Variants in FBXO10 observed in about 807,000 individuals in gnomAD.
FBXO10 encodes the protein F-box protein 10.
FBXO10 carries 39 observed loss-of-function variants against 80.7 expected under a neutral mutation model. That is an observed-to-expected ratio of 0.48 (90% confidence interval 0.37 to 0.63). The LOEUF (loss-of-function observed/expected upper bound fraction) is 0.63. FBXO10 is among the 30% of genes least tolerant of loss of function. The pLI, the probability that FBXO10 is intolerant of heterozygous loss-of-function variation, is 0.00. For missense variants in FBXO10, 1,025 were observed against 1,269.0 expected (o/e 0.81, Z 2.92); for synonymous variants, 449 against 489.6 (o/e 0.92, Z 1.09).
chr9:37,539,167 T>A (rs1228312485), intron 2 of FBXO10, among the ~76,000 whole-genome samples: 4 of 152,242 alleles, frequency 2.6e-5, no homozygotes, highest in African/African-American at 9.6e-5. Flanking sequence ...AAAATTGACC[T>A]TTGATAGATT....
chr9:37,549,887 T>C (rs1158461837), intron 1 of FBXO10, among the ~76,000 whole-genome samples: 1 of 152,186 alleles, frequency 6.6e-6, no homozygotes, highest in East Asian at 1.9e-4. Flanking sequence ...TTTTTTGATG[T>C]TAGTAGCCAG....
At chr9:37,553,354 A>C (rs1408544493) in intron 1 of FBXO10, among the ~76,000 whole-genome samples, 1 of 151,926 alleles carries the variant, frequency 6.6e-6, no homozygotes, top group Non-Finnish European at 1.5e-5. Flanking sequence ...TATGTTTTTA[A>C]ATTGTTATGA....
chr9:37,567,552 T>C (rs1369410404), intron 1 of FBXO10, among the ~76,000 whole-genome samples: 1 of 152,178 alleles, frequency 6.6e-6, no homozygotes, highest in Non-Finnish European at 1.5e-5. Context: ...TGCATAACAA[T>C]TGCAGGATCA....
At chr9:37,560,250 C>A (rs1208333548) in intron 1 of FBXO10, among the ~76,000 whole-genome samples, 2 of 152,184 alleles carry the variant, frequency 1.3e-5, no homozygotes, top group African/African-American at 2.4e-5. Flanking sequence ...ATTGTAATTT[C>A]TTTCCCTTAG....
rs1391932497 is a variant in FBXO10, at chr9:37,537,146, G to A, written c.1383C>T (p.Asn461=). ...RAKMEGNIFR[N]LTYAVRCIHN... ...GTATACACCGCACTGCGTAAGTCAG[G>A]TTCCGGAAGATGTTTCCTTCCATCT... Residue 461 remains asparagine (N), a synonymous_variant, in exon 3 of 11, where the codon AAC becomes AAT. Coordinates refer to ENST00000432825, the MANE Select transcript of FBXO10 (RefSeq NM_012166.3). The A allele has an allele frequency of 1.2e-6, 2 of 1,613,784 alleles. No individual in the cohort carries two copies. Among genetic ancestry groups the A allele is most frequent in the Non-Finnish European group, 1.7e-6 (2 of 1,179,826 alleles).
intron 1 of FBXO10, among the ~76,000 whole-genome samples, chr9:37,550,484 CTT>C (rs1244919357): frequency 1.7e-4 from 21 of 120,446 alleles, no homozygotes; most frequent in Non-Finnish European, 1.6e-4. Context: ...TGCACCTGGC[CTT>C]TTTTTTTTTT....
intron 3 of FBXO10, among the ~76,000 whole-genome samples, chr9:37,535,523 TTTTTA>T (rs1821739685): frequency 6.6e-6 from 1 of 152,034 alleles, no homozygotes; most frequent in Non-Finnish European, 1.5e-5. Context: ...GGCTATTTTT[TTTTTA>T]TTTTATTTTA....
chr9:37,527,039 T>C (rs1208190048), intron 5 of FBXO10, among the ~76,000 whole-genome samples: 11 of 151,862 alleles, frequency 7.2e-5, no homozygotes, highest in Admixed American at 7.2e-4. Context: ...TTAGTAGAGA[T>C]GGGGTTTCAC....
chr9:37,525,385 A>T (rs963931587), intron 5 of FBXO10, among the ~76,000 whole-genome samples: 1 of 152,134 alleles, frequency 6.6e-6, no homozygotes, highest in African/African-American at 2.4e-5. Context: ...ACAGGGGCAT[A>T]AAAGCATTTC....
intron 5 of FBXO10, among the ~76,000 whole-genome samples, chr9:37,526,309 C>T (rs1286752281): frequency 6.6e-6 from 1 of 152,186 alleles, no homozygotes; most frequent in Admixed American, 6.5e-5. Context: ...TATGGTTTGT[C>T]TCATCCAGGC....
intron 6 of FBXO10, 77 bp downstream of exon 6, chr9:37,525,025 G>A (rs1170094010): frequency 7.9e-7 from 1 of 1,260,540 alleles, no homozygotes; most frequent in Non-Finnish European, 1.1e-6. Context: ...AAGGAGCAGT[G>A]TGAGGTCCTG....
At chr9:37,530,696 A>G (rs1051178347) in intron 4 of FBXO10, among the ~76,000 whole-genome samples, 1 of 151,816 alleles carries the variant, frequency 6.6e-6, no homozygotes, top group African/African-American at 2.4e-5. Context: ...GCTCATGACC[A>G]TGCCATAGTT....
Position 37,558,152 on chromosome 9 carries a change from C to T in FBXO10, c.-6-16378G>A, listed in dbSNP as rs367596011. On this transcript the variant is annotated intron_variant, in intron 1 of 10. Coordinates refer to ENST00000432825, the MANE Select transcript of FBXO10 (RefSeq NM_012166.3). The stretch of plus-strand genomic sequence containing the variant: ...AGATGCTTTATCCATGATGTTCTTT[C>T]CTTCTACAAGGGGCAACTCTGACAG... 2.8e-4 allele frequency among the ~76,000 whole-genome samples: 42 copies of T among 152,314 alleles called. 1 individual carries two copies. In the South Asian group the frequency reaches 8.3e-3, roughly 30 times the overall value.
chr9:37,533,470 A>G (rs1321881525), intron 3 of FBXO10, among the ~76,000 whole-genome samples: 1 of 151,950 alleles, frequency 6.6e-6, no homozygotes, highest in Admixed American at 6.6e-5. Context: ...CTCTTGAATC[A>G]GGGAGGCAGA....
At chr9:37,558,500 T>C (rs1330524631) in intron 1 of FBXO10, among the ~76,000 whole-genome samples, 1 of 152,112 alleles carries the variant, frequency 6.6e-6, no homozygotes, top group Non-Finnish European at 1.5e-5. Flanking sequence ...CCCAGATGGG[T>C]TTCCCCCATT....
rs1394293703 is a variant in FBXO10 at position 37,537,872 on chromosome 9, A to G, written c.657T>C (p.Gly219=). The G allele has an allele frequency of 1.9e-6, 3 of 1,613,874 alleles. No individual in the cohort carries two copies. The highest frequency in any genetic ancestry group is 1.3e-5 in the African/African-American group (1 of 74,910). ...ENGHIQVHGP[G]TCQVKFCTFK... ...AGGTACAGAACTTCACTTGGCAAGT[A>G]CCCGGGCCATGGACCTGGATGTGCC... The change falls in exon 3 of 11, where the codon GGT becomes GGC. Residue 219 remains glycine (G), a synonymous_variant. Coordinates refer to ENST00000432825, the MANE Select transcript of FBXO10 (RefSeq NM_012166.3).
intron 1 of FBXO10, among the ~76,000 whole-genome samples, chr9:37,558,628 G>C (rs144042441): frequency 5.3e-5 from 8 of 152,172 alleles, no homozygotes; most frequent in Non-Finnish European, 4.4e-5. Flanking sequence ...CTTAATAACA[G>C]TGTTTTTAAG....
intron 6 of FBXO10, 28 bp from the exon 7 acceptor site, chr9:37,523,005 A>C: frequency 6.3e-7 from 1 of 1,577,198 alleles, no homozygotes; most frequent in South Asian, 1.2e-5. Context: ...AAAGAAGGTC[A>C]GTACCCAAGG....
At chr9:37,565,473 A>C (rs184370509) in intron 1 of FBXO10, among the ~76,000 whole-genome samples, 4 of 152,146 alleles carry the variant, frequency 2.6e-5, no homozygotes, top group African/African-American at 9.7e-5. Flanking sequence ...ATTTCATCCT[A>C]TTCCCTGAAG....
Sources: gnomAD v4.1 joint callset for allele counts (sites outside exome capture counted in the v4.1 genomes callset) on GRCh38, gnomAD v4.1.1 for gene constraint, MANE v1.5 for transcripts, NCBI Gene and HGNC (gene_info 2026-07-23, HGNC 2026-07-21) for gene names.